SCPPPQ1: variants seen among roughly 807,000 people sequenced by gnomAD.
SCPPPQ1 encodes secretory calcium-binding phosphoprotein proline- and glutamine-rich 1.
At chr4:87,468,114 G>A in the SCPPPQ1 span, among the ~76,000 whole-genome samples, 5 of 152,132 alleles carry the variant, frequency 3.3e-5, no homozygotes, top group African/African-American at 1.2e-4. Flanking sequence ...AAGCCACTAT[G>A]GAGCATTATA....
the SCPPPQ1 span, among the ~76,000 whole-genome samples, chr4:87,469,947 CTT>C: frequency 1.9e-4 from 22 of 114,980 alleles, no homozygotes; most frequent in South Asian, 1.0e-3. Context: ...ACACACAAAT[CTT>C]TTTTTTTTTT....
At chr4:87,468,066 A>G in the SCPPPQ1 span, among the ~76,000 whole-genome samples, 25 of 152,366 alleles carry the variant, frequency 1.6e-4, no homozygotes, top group African/African-American at 5.8e-4. Context: ...TACATTATCC[A>G]CTAAAGAGAG....
At chr4:87,464,364 A>AC in the SCPPPQ1 span, among the ~76,000 whole-genome samples, 61 of 149,902 alleles carry the variant, frequency 4.1e-4, no homozygotes, top group Admixed American at 8.7e-4. Context: ...TATTTTAAGT[A>AC]CCCCCCCCCA....
chr4:87,461,640 G>T, the SCPPPQ1 span, among the ~76,000 whole-genome samples: 7 of 152,174 alleles, frequency 4.6e-5, no homozygotes, highest in Non-Finnish European at 7.4e-5. Flanking sequence ...GTTTCCTTAG[G>T]ATCATAACTA....
the SCPPPQ1 span, among the ~76,000 whole-genome samples, chr4:87,470,132 T>A: frequency 6.6e-6 from 1 of 151,848 alleles, no homozygotes; most frequent in Non-Finnish European, 1.5e-5. Context: ...TTTAAAAAAA[T>A]TTTCTTAGAG....
At chr4:87,467,175 T>C in the SCPPPQ1 span, among the ~76,000 whole-genome samples, 2 of 152,164 alleles carry the variant, frequency 1.3e-5, no homozygotes, top group Non-Finnish European at 2.9e-5. Flanking sequence ...CATTGTAGTT[T>C]CCCTTTATGA....
the SCPPPQ1 span, among the ~76,000 whole-genome samples, chr4:87,468,471 A>G: frequency 2.6e-5 from 4 of 152,138 alleles, no homozygotes; most frequent in Non-Finnish European, 5.9e-5. Context: ...CAGGGGAGAG[A>G]GTTTCTTGCC....
At chr4:87,465,876 A>C in the SCPPPQ1 span, among the ~76,000 whole-genome samples, 2 of 150,828 alleles carry the variant, frequency 1.3e-5, no homozygotes, top group African/African-American at 4.8e-5. Flanking sequence ...ATGTGTTGAT[A>C]GTTTTTACAA....
chr4:87,460,930 A>C, the SCPPPQ1 span: 1 of 152,658 alleles, frequency 6.6e-6, no homozygotes, highest in African/African-American at 2.4e-5. Flanking sequence ...ACCATCAACT[A>C]TAGTTAAGAT....
At chr4:87,470,544 T>TTTGAATTAAGTG in the SCPPPQ1 span, among the ~76,000 whole-genome samples, 1 of 152,256 alleles carries the variant, frequency 6.6e-6, no homozygotes, top group African/African-American at 2.4e-5. Context: ...ATAAAGGAAA[T>TTTGAATTAAGTG]CAACTGGCCT....
chr4:87,463,808 T>G, the SCPPPQ1 span, among the ~76,000 whole-genome samples: 1 of 152,196 alleles, frequency 6.6e-6, no homozygotes, highest in Admixed American at 6.5e-5. Flanking sequence ...TGAACTAAAA[T>G]TTTAGGACAA....
chr4:87,462,473 TTTTCTTTC>T, the SCPPPQ1 span, among the ~76,000 whole-genome samples: 3,473 of 150,966 alleles, frequency 0.023, 143 homozygotes, highest in African/African-American at 0.079. Context: ...GTCTCCACGT[TTTTCTTTC>T]TTTCTTTCTT....
At chr4:87,464,263 T>C in the SCPPPQ1 span, among the ~76,000 whole-genome samples, 2 of 152,318 alleles carry the variant, frequency 1.3e-5, no homozygotes, top group South Asian at 4.1e-4. Flanking sequence ...TCTACTTTTG[T>C]ATCTTATATA....
the SCPPPQ1 span, among the ~76,000 whole-genome samples, chr4:87,467,754 C>A: frequency 5.0e-3 from 749 of 149,644 alleles, 7 homozygotes; most frequent in African/African-American, 0.018. Context: ...TTCATAACCA[C>A]CATCCAACAA....
the SCPPPQ1 span, among the ~76,000 whole-genome samples, chr4:87,464,441 A>AC: frequency 6.6e-6 from 1 of 152,106 alleles, no homozygotes; most frequent in Non-Finnish European, 1.5e-5. Context: ...CATAGCAGTG[A>AC]CTTCTTGGAA....
chr4:87,461,821 G>A, the SCPPPQ1 span: 1 of 152,144 alleles, frequency 6.6e-6, no homozygotes, highest in African/African-American at 2.4e-5. Flanking sequence ...TTTGAAGAAA[G>A]CATTTGTAAT....
the SCPPPQ1 span, among the ~76,000 whole-genome samples, chr4:87,467,292 G>A: frequency 2.0e-5 from 3 of 152,094 alleles, no homozygotes; most frequent in Non-Finnish European, 4.4e-5. Context: ...TAGAATAAAG[G>A]CAACTCTATT....
the SCPPPQ1 span, among the ~76,000 whole-genome samples, chr4:87,466,864 A>G: frequency 3.2e-4 from 49 of 152,302 alleles, no homozygotes; most frequent in Admixed American, 1.8e-3. Context: ...TTGTCTGTAA[A>G]TAAGGGGTAT....
the SCPPPQ1 span, among the ~76,000 whole-genome samples, chr4:87,468,677 G>A: frequency 6.6e-6 from 1 of 152,156 alleles, no homozygotes; most frequent in Non-Finnish European, 1.5e-5. Context: ...AAAGAAAAGC[G>A]CTGCTGTTAA....
Sources: allele counts gnomAD v4.1 joint callset (sites outside exome capture counted in the v4.1 genomes callset), GRCh38; gene constraint gnomAD v4.1.1; transcripts MANE v1.5; gene names NCBI Gene and HGNC (gene_info 2026-07-23, HGNC 2026-07-21).